The following RFX4 variants were observed in gnomAD, a reference collection of about 807,000 sequenced individuals.
The protein encoded by RFX4 is regulatory factor X4, also known as transcription factor RFX4.
Under a neutral mutation model 95.0 loss-of-function variants are expected in RFX4, and 10 were observed. The ratio of observed to expected loss-of-function variants is 0.11; its 90% confidence interval spans 0.06 to 0.18. RFX4 has a LOEUF of 0.18. Among genes scored for constraint, RFX4 ranks in the 10% least tolerant of loss-of-function variants. The probability of loss-of-function intolerance (pLI) is 1.00; values close to 1 mark genes in which losing one functional copy is unlikely to be tolerated. For synonymous variants in RFX4, 321 were observed against 340.7 expected, an observed-to-expected ratio of 0.94 and a Z score of 0.64; for missense variants, 640 against 922.0, an observed-to-expected ratio of 0.69 and a Z score of 3.96.
intron 4 of RFX4, among the ~76,000 whole-genome samples, chr12:106,677,150 G>T (rs11613652): frequency 0.012 from 1,767 of 152,262 alleles, 8 homozygotes; most frequent in Non-Finnish European, 0.017. Flanking sequence ...ACTGGAACCC[G>T]GGTGAGCCTG....
chr12:106,668,141 G>A (rs773830955), intron 4 of RFX4, among the ~76,000 whole-genome samples: 4 of 152,176 alleles, frequency 2.6e-5, no homozygotes, highest in Non-Finnish European at 5.9e-5. Flanking sequence ...CTCCTTAAAA[G>A]CATCAGAGAC....
Position 106,720,308 on chromosome 12 carries a change from C to A in RFX4, c.1233+254C>A, listed in dbSNP as rs1441383041. On this transcript the variant is annotated intron_variant, in intron 12 of 17. Transcript: ENST00000392842. This position sits in a 1 kb window ranked among gnomAD's most constrained non-coding sequence, Gnocchi z 4.2. ...TTCATTTTTTAAAGTTTTTTTGCTG[C>A]TACAAACAAAACAAAAACCATTGCT... is the stretch of plus-strand genomic sequence containing the variant. 1.3e-5 allele frequency among the ~76,000 whole-genome samples: 2 copies of A among 152,314 alleles called. No individual in the cohort carries two copies. The highest frequency in any genetic ancestry group is 4.8e-5 in the African/African-American group (2 of 41,566).
chr12:106,620,799 T>G (rs1451198894), intron 2 of RFX4, among the ~76,000 whole-genome samples: 2 of 151,938 alleles, frequency 1.3e-5, no homozygotes, highest in African/African-American at 4.8e-5. Flanking sequence ...CTCAACCACA[T>G]AAGACAGACA....
intron 7 of RFX4, among the ~76,000 whole-genome samples, chr12:106,692,595 T>G (rs993763638): frequency 6.6e-6 from 1 of 152,166 alleles, no homozygotes; most frequent in Admixed American, 6.5e-5. Flanking sequence ...GGAAATCATC[T>G]CCTAGTACTT....
At chr12:106,687,238 A>T (rs1475303884) in intron 6 of RFX4, 141 bp downstream of exon 6, 1 of 753,334 alleles carries the variant, frequency 1.3e-6, no homozygotes, top group African/African-American at 1.8e-5. Flanking sequence ...TTATTGCAAA[A>T]CCGTGAGTTT....
intron 7 of RFX4, 90 bp downstream of exon 7, chr12:106,689,454 G>C (rs563248589): frequency 9.4e-7 from 1 of 1,064,858 alleles, no homozygotes; most frequent in African/African-American, 1.6e-5. Context: ...TAGGTGCCAG[G>C]CCTGGCATCT....
Position 106,761,408 on chromosome 12 carries a change from T to C in RFX4, c.2147T>C (p.Met716Thr). The C allele has an allele frequency of 6.2e-7, 1 of 1,614,130 alleles. No homozygotes were observed. The highest frequency in any genetic ancestry group is 8.5e-7 in the Non-Finnish European group (1 of 1,180,008). Residue 716 changes from methionine to threonine, a missense_variant, in exon 18 of 18, where the codon ATG becomes ACG. Met to Thr is a moderately conservative substitution (Grantham distance 81, BLOSUM62 -1). Around this residue, in one of 7 missense-constraint regions of RFX4, gnomAD observed 300 missense variants for 346.8 expected, o/e 0.87. Coordinates refer to ENST00000392842, the MANE Select transcript of RFX4 (RefSeq NM_213594.3). The stretch of plus-strand genomic sequence containing the variant: ...CGCAGGAATTCTGAATATGAGCACA[T>C]GCAACACTTTCCTGGCTTTGCTTAC... ...TTRRNSEYEHMQHFPGFAYIN... is the reference protein window; with the variant it reads ...TTRRNSEYEHTQHFPGFAYIN...
chr12:106,742,717 G>T (rs554823012), intron 15 of RFX4, among the ~76,000 whole-genome samples: 9 of 152,228 alleles, frequency 5.9e-5, no homozygotes, highest in African/African-American at 1.9e-4. Flanking sequence ...AAAGGGTTTG[G>T]GGTTGGGCAG....
chr12:106,606,627 C>T (rs1162397770), intron 1 of RFX4, among the ~76,000 whole-genome samples: 5 of 152,130 alleles, frequency 3.3e-5, no homozygotes, highest in African/African-American at 1.2e-4. Context: ...GAAGGTGCAG[C>T]GTTTTAATGT....
intron 1 of RFX4, among the ~76,000 whole-genome samples, chr12:106,596,475 G>A (rs985799902): frequency 6.6e-6 from 1 of 152,180 alleles, no homozygotes; most frequent in South Asian, 2.1e-4. Context: ...CTAATACACA[G>A]GAAAAGGAAA....
At chr12:106,659,511 GA>G (rs1482632331) in intron 4 of RFX4, among the ~76,000 whole-genome samples, 1 of 152,204 alleles carries the variant, frequency 6.6e-6, no homozygotes, top group Non-Finnish European at 1.5e-5. Context: ...TTTTTTAACA[GA>G]TGGTAGAAGT....
At chr12:106,683,521 T>C (rs2041575798) in intron 5 of RFX4, 1 of 124,276 alleles carries the variant, frequency 8.0e-6, no homozygotes, top group Admixed American at 9.0e-5. Context: ...AATTTTAAAA[T>C]TCTGGTATTT....
At position 106,669,839 on chromosome 12, in the gene RFX4, GGTGT is replaced by G. The variant is rs60975691; in HGVS notation, c.316-12117_316-12114del. ...GATTTCACACCAGGTTTTTTCTAGG[GGTGT>G]GTGTGTGTGTGTGTGTGTGTGTGTG... is the stretch of plus-strand genomic sequence containing the variant. On this transcript the variant is annotated intron_variant, in intron 4 of 17. Transcript: ENST00000392842. Among the ~76,000 whole-genome samples the G allele has an allele frequency of 6.5e-3, 936 of 143,170 alleles. 8 individuals carry two copies. The highest frequency in any genetic ancestry group is 0.016 in the African/African-American group (629 of 38,210). 93.9% of individuals were successfully genotyped at this position (143,170 alleles called of 152,430 possible). A position where few individuals can be genotyped will look rare whatever the true frequency, so the allele number is the denominator to read the frequency against.
intron 3 of RFX4, among the ~76,000 whole-genome samples, chr12:106,643,269 A>G (rs1365904211): frequency 1.3e-5 from 2 of 152,158 alleles, no homozygotes; most frequent in Non-Finnish European, 2.9e-5. Context: ...CTCAGCGTCC[A>G]CCACTCCTTC....
intron 2 of RFX4, among the ~76,000 whole-genome samples, chr12:106,629,591 C>T (rs187474590): frequency 1.3e-5 from 2 of 152,228 alleles, no homozygotes; most frequent in African/African-American, 2.4e-5. Flanking sequence ...GGTGATGGCT[C>T]CTACCTCAGC....
intron 1 of RFX4, among the ~76,000 whole-genome samples, chr12:106,598,335 T>C (rs893488551): frequency 1.3e-5 from 2 of 152,178 alleles, no homozygotes; most frequent in Non-Finnish European, 2.9e-5. Context: ...ATGATGAATA[T>C]GAAGACTGTA....
rs2137530308 is a variant in RFX4 at position 106,720,926 on chromosome 12, A to T, written c.1351+50A>T. The T allele has an allele frequency of 5.3e-6, 8 of 1,511,932 alleles. No homozygotes were observed. The highest frequency in any genetic ancestry group is 1.1e-5 in the South Asian group (1 of 89,002). The allele number at this position is 1,511,932 out of a possible 1,614,324, so 93.7% of individuals were successfully genotyped here. ...TCTCCAAGCACTTTTTCCTCTGGGC[A>T]CGGAGCCCAGAGGAATCTACCACAG... is the stretch of plus-strand genomic sequence containing the variant. On this transcript the variant is annotated intron_variant, in intron 13 of 17. Transcript: ENST00000392842. This position sits in a 1 kb window ranked among gnomAD's most constrained non-coding sequence, Gnocchi z 4.2.
At chr12:106,623,050 T>G (rs2040216976) in intron 2 of RFX4, among the ~76,000 whole-genome samples, 1 of 149,588 alleles carries the variant, frequency 6.7e-6, no homozygotes, top group Admixed American at 6.6e-5. Flanking sequence ...TTTTTTTTTT[T>G]TTTTTTGAGA....
chr12:106,685,008 A>T, intron 5 of RFX4: 1 of 1,564,562 alleles, frequency 6.4e-7, no homozygotes, highest in South Asian at 1.2e-5. Flanking sequence ...ATGCCTTCTC[A>T]TCTGTATGAT....
Sources: gnomAD v4.1 joint callset for allele counts (sites outside exome capture counted in the v4.1 genomes callset) on GRCh38, gnomAD v4.1.1 for gene constraint, gnomAD v4.1.1 regional missense constraint, Gnocchi (gnomAD v3.1) non-coding constraint, MANE v1.5 for transcripts, NCBI Gene and HGNC (gene_info 2026-07-23, HGNC 2026-07-21) for gene names.